The following TRAPPC13 variants were observed in gnomAD, a reference collection of about 807,000 sequenced individuals.
TRAPPC13 encodes trafficking protein particle complex subunit 13, also known as REV7-interacting novel NHEJ regulator 1.
In TRAPPC13, 39 loss-of-function variants were observed where a neutral mutation model predicts 54.0. The ratio of observed to expected loss-of-function variants is 0.72; its 90% CI spans 0.56 to 0.94. The LOEUF (loss-of-function observed/expected upper bound fraction) is 0.94. TRAPPC13 is among the 40% of genes least tolerant of loss of function. The pLI is 0.00. For synonymous variants in TRAPPC13, 148 were observed against 167.7 expected (o/e 0.88, Z 0.91); for missense variants, 386 against 488.1 (o/e 0.79, Z 1.97).
At chr5:65,625,281 G>A (rs1172648907) in intron 1 of TRAPPC13, 175 bp downstream of exon 1, 6 of 614,034 alleles carry the variant, frequency 9.8e-6, no homozygotes, top group Non-Finnish European at 1.5e-5. Flanking sequence ...TAGGTTTATG[G>A]GCCCCTTTCT....
chr5:65,661,941 C>T (rs1756864583), intron 10 of TRAPPC13, 109 bp from the exon 11 acceptor site: 2 of 635,838 alleles, frequency 3.1e-6, no homozygotes, highest in Non-Finnish European at 5.1e-6. Context: ...CTTAGAACAT[C>T]AGCTTGGAAA....
In TRAPPC13 at chr5:65,625,044, CA is replaced by C. The variant is rs762109754; in HGVS notation, c.-13del. ...TGTCCAGCCCCCGTAGGCTGTGGGT[CA>C]AAAGTGCCGGTCAAAATGGAAGTGA... is the stretch of plus-strand genomic sequence containing the variant. On this transcript the variant is annotated 5_prime_UTR_variant, in exon 1 of 13. Coordinates refer to ENST00000399438, the MANE Select transcript of TRAPPC13 (RefSeq NM_024941.4). 6.2e-7 allele frequency: 1 copy of C among 1,612,654 alleles called. No homozygotes were observed. Among genetic ancestry groups the C allele is most frequent in the Non-Finnish European group, 8.5e-7 (1 of 1,178,758 alleles).
At position 65,637,682 on chromosome 5, in the gene TRAPPC13, A is replaced by G. The variant is rs765457747; in HGVS notation, c.216-14A>G. 1 of 1,422,360 alleles carries G rather than the reference A, an allele frequency of 7.0e-7. No homozygotes were observed. The highest frequency in any genetic ancestry group is 2.2e-5 in the Admixed American group (1 of 46,200). The allele number at this position is 1,422,360 out of a possible 1,614,324, so 88.1% of individuals were successfully genotyped here. On this transcript the variant is annotated splice_polypyrimidine_tract_variant and intron_variant, in intron 3 of 12. Transcript: ENST00000399438. ...TGAATGGATTTCTGCCTAAATACTT[A>G]TTTTATTTTACAGGAATATATTTTT...
intron 4 of TRAPPC13, among the ~76,000 whole-genome samples, chr5:65,642,132 G>A (rs1302527125): frequency 2.0e-5 from 3 of 152,108 alleles, no homozygotes; most frequent in Non-Finnish European, 4.4e-5. Flanking sequence ...AGACCAGCCT[G>A]GCCAACATGG....
chr5:65,630,614 G>T, intron 1 of TRAPPC13: 1 of 1,067,192 alleles, frequency 9.4e-7, no homozygotes, highest in Non-Finnish European at 1.1e-6. Flanking sequence ...GTATAGTTTG[G>T]ATTTTGGTTA....
intron 7 of TRAPPC13, among the ~76,000 whole-genome samples, chr5:65,655,392 T>G (rs1371223416): frequency 6.6e-6 from 1 of 152,212 alleles, no homozygotes; most frequent in African/African-American, 2.4e-5. Context: ...TTTGCTACTG[T>G]TGAGTATTCA....
rs1312220018 is a variant in TRAPPC13 at position 65,636,058 on chromosome 5, T to G, written c.215+15T>G. 3 of 1,507,762 alleles carry G rather than the reference T, an allele frequency of 2.0e-6. No homozygotes were observed. Among genetic ancestry groups the G allele is most frequent in the Non-Finnish European group, 2.7e-6 (3 of 1,098,552 alleles). The allele number at this position is 1,507,762 out of a possible 1,614,324, so 93.4% of individuals were successfully genotyped here. Reference sequence around the variant, plus strand: ...CAGAATTTTGGGTAAGAATGACATATTCACATAAGAAACCTTGTAAAGCCA... The same window carrying G: ...CAGAATTTTGGGTAAGAATGACATAGTCACATAAGAAACCTTGTAAAGCCA... On this transcript the variant is annotated intron_variant, in intron 3 of 12. Transcript: ENST00000399438.
intron 7 of TRAPPC13, among the ~76,000 whole-genome samples, chr5:65,654,821 G>T (rs906500297): frequency 5.9e-5 from 9 of 152,284 alleles, no homozygotes; most frequent in Admixed American, 1.3e-4. Flanking sequence ...TAGAAGCTAG[G>T]TTTCAAACAT....
At position 65,664,496 on chromosome 5, in the gene TRAPPC13, C is replaced by T. The variant is rs1017669825; in HGVS notation, c.1147-8C>T. On this transcript the variant is annotated splice_region_variant and splice_polypyrimidine_tract_variant and intron_variant, in intron 12 of 12. Transcript: ENST00000399438. ...AAAACTTAGACTCATCTCTCTCTCTCTCAATAGAGCATCTCTGGCTTAAGA... is the reference window on the plus strand; with the variant it reads ...AAAACTTAGACTCATCTCTCTCTCTTTCAATAGAGCATCTCTGGCTTAAGA... The T allele has an allele frequency of 1.9e-6, 3 of 1,605,282 alleles. No homozygotes were observed. The Admixed American group carries it at 5.2e-5, about 28-fold the overall frequency.
At chr5:65,641,597 G>C (rs1366551086) in intron 4 of TRAPPC13, among the ~76,000 whole-genome samples, 1 of 151,962 alleles carries the variant, frequency 6.6e-6, no homozygotes, top group African/African-American at 2.4e-5. Context: ...TGTAGTCCTA[G>C]CTACTTGGGA....
At chr5:65,629,384 T>G (rs27595) in intron 1 of TRAPPC13, 720,482 of 1,120,260 alleles carry the variant, frequency 0.64, 234,156 homozygotes, top group Non-Finnish European at 0.66. Flanking sequence ...TTGGTTTTTG[T>G]TTTTTGTTTT....
At chr5:65,637,445 C>T (rs1305167670) in intron 3 of TRAPPC13, among the ~76,000 whole-genome samples, 1 of 151,960 alleles carries the variant, frequency 6.6e-6, no homozygotes, top group Non-Finnish European at 1.5e-5. Flanking sequence ...TCATGGCTAA[C>T]ATGGTGAAAC....
chr5:65,655,599 T>C, intron 7 of TRAPPC13, 37 bp from the exon 8 acceptor site: 2 of 735,210 alleles, frequency 2.7e-6, no homozygotes, highest in Non-Finnish European at 3.8e-6. Flanking sequence ...CATTTAACTC[T>C]GATTTTTCTA....
In TRAPPC13 at chr5:65,653,631, G is replaced by A. The variant is rs188947163; in HGVS notation, c.546+1086G>A. Among the ~76,000 whole-genome samples, 209 of 152,284 alleles carry A rather than the reference G, an allele frequency of 1.4e-3. 1 individual carries two copies. Among genetic ancestry groups the A allele is most frequent in the African/African-American group, 4.8e-3 (200 of 41,558 alleles). On this transcript the variant is annotated intron_variant, in intron 7 of 12. Transcript: ENST00000399438. ...TGGAATAGTTTAAAGAAGCTTTATG[G>A]AAGAGAAGGAAAACTGGATTGGAGT...
At chr5:65,629,504 T>A in intron 1 of TRAPPC13, 3 of 1,438,968 alleles carry the variant, frequency 2.1e-6, no homozygotes, top group Non-Finnish European at 2.7e-6. Flanking sequence ...AGAGACAATC[T>A]TGCAATAATA....
At chr5:65,646,472 A>G (rs1378774823) in intron 4 of TRAPPC13, among the ~76,000 whole-genome samples, 1 of 152,160 alleles carries the variant, frequency 6.6e-6, no homozygotes, top group African/African-American at 2.4e-5. Context: ...ATGTGTTCAT[A>G]CTGATGCCTC....
At chr5:65,643,574 T>C (rs922825409) in intron 4 of TRAPPC13, among the ~76,000 whole-genome samples, 1 of 152,052 alleles carries the variant, frequency 6.6e-6, no homozygotes, top group East Asian at 1.9e-4. Flanking sequence ...ATCCCAGCAC[T>C]TTGGGAGGCC....
chr5:65,663,449 A>G (rs1397455248), intron 11 of TRAPPC13: 1 of 152,152 alleles, frequency 6.6e-6, no homozygotes, highest in Non-Finnish European at 1.5e-5. Context: ...GCCATCTCAA[A>G]TGCTTGTTAG....
Position 65,664,281 on chromosome 5 carries a change from C to G in TRAPPC13, c.1043C>G (p.Ser348Cys), listed in dbSNP as rs1266369714. ...GTTTTGGAAATGTGCAATACCAATTCCATCCACTGGTGTGGAATTTCAGGA... is the reference window on the plus strand; with the variant it reads ...GTTTTGGAAATGTGCAATACCAATTGCATCCACTGGTGTGGAATTTCAGGA... ...DLVLEMCNTN[S>C]IHWCGISGRQ... The change falls in exon 12 of 13, where the codon TCC becomes TGC. Residue 348 changes from serine to cysteine, a missense_variant. Transcript: ENST00000399438. 6.2e-7 allele frequency: 1 copy of G among 1,613,630 alleles called. No homozygotes were observed. The highest frequency in any genetic ancestry group is 1.3e-5 in the African/African-American group (1 of 74,904).
Sources: allele counts gnomAD v4.1 joint callset (sites outside exome capture counted in the v4.1 genomes callset), GRCh38; gene constraint gnomAD v4.1.1; transcripts MANE v1.5; gene names NCBI Gene and HGNC (gene_info 2026-07-23, HGNC 2026-07-21).